FBXL13: variants seen among roughly 807,000 people sequenced by gnomAD.
FBXL13 encodes the protein F-box and leucine rich repeat protein 13.
FBXL13 carries 67 observed loss-of-function variants against 83.6 expected under a neutral mutation model. That is an observed-to-expected ratio of 0.80 (90% confidence interval 0.66 to 0.98). FBXL13 has a LOEUF of 0.98. Among genes scored for constraint, FBXL13 ranks in the 50% least tolerant of loss-of-function variants. The probability of loss-of-function intolerance (pLI) is 0.00; values close to 1 mark genes in which losing one functional copy is unlikely to be tolerated. For missense variants in FBXL13, 822 were observed against 866.5 expected (o/e 0.95, Z 0.64); for synonymous variants, 272 against 299.5 (o/e 0.91, Z 0.95).
At chr7:103,051,914 A>G (rs776799583) in intron 2 of FBXL13, among the ~76,000 whole-genome samples, 6 of 152,230 alleles carry the variant, frequency 3.9e-5, no homozygotes, top group Non-Finnish European at 8.8e-5. Flanking sequence ...TGTTACAGGC[A>G]CATACTCCTA....
chr7:103,040,312 C>T (rs1795529214), intron 2 of FBXL13, among the ~76,000 whole-genome samples: 1 of 152,078 alleles, frequency 6.6e-6, no homozygotes, highest in South Asian at 2.1e-4. Flanking sequence ...CAGGAGCACC[C>T]AGATTCATAA....
At chr7:102,966,436 G>C (rs1467218335) in intron 7 of FBXL13, among the ~76,000 whole-genome samples, 1 of 152,152 alleles carries the variant, frequency 6.6e-6, no homozygotes, top group Non-Finnish European at 1.5e-5. Flanking sequence ...GATATTTGGG[G>C]ATGTTGCTTT....
At chr7:103,072,450 A>G (rs1799059601) in intron 1 of FBXL13, among the ~76,000 whole-genome samples, 1 of 152,172 alleles carries the variant, frequency 6.6e-6, no homozygotes, top group Admixed American at 6.5e-5. Flanking sequence ...GTGCAGAACA[A>G]TGCAGTAAGC....
chr7:103,005,681 G>C (rs901032610), intron 6 of FBXL13, among the ~76,000 whole-genome samples: 1 of 152,110 alleles, frequency 6.6e-6, no homozygotes, highest in African/African-American at 2.4e-5. Flanking sequence ...TTAAAAGGGC[G>C]CCAGTTCTAC....
At chr7:103,053,327 A>G (rs1338438997) in intron 2 of FBXL13, among the ~76,000 whole-genome samples, 3 of 151,050 alleles carry the variant, frequency 2.0e-5, no homozygotes, top group Admixed American at 6.6e-5. Context: ...TAATTTTTGT[A>G]CTTTTAGTAG....
chr7:103,004,897 G>A (rs181346919), intron 6 of FBXL13, among the ~76,000 whole-genome samples: 226 of 152,230 alleles, frequency 1.5e-3, no homozygotes, highest in African/African-American at 5.1e-3. Context: ...GTTTGGAGAC[G>A]TTACTCCTTC....
intron 2 of FBXL13, among the ~76,000 whole-genome samples, chr7:103,031,850 G>A (rs1794543930): frequency 6.6e-6 from 1 of 152,192 alleles, no homozygotes; most frequent in South Asian, 2.1e-4. Context: ...TGGCCTACAA[G>A]AAGCCAGTTG....
intron 8 of FBXL13, among the ~76,000 whole-genome samples, chr7:102,948,204 C>T (rs557164059): frequency 6.6e-6 from 1 of 152,030 alleles, no homozygotes; most frequent in Non-Finnish European, 1.5e-5. Flanking sequence ...GCTGGGATTA[C>T]AGGCGCCCGC....
At chr7:102,902,770 T>G (rs1318280008) in intron 11 of FBXL13, among the ~76,000 whole-genome samples, 1 of 152,184 alleles carries the variant, frequency 6.6e-6, no homozygotes, top group Non-Finnish European at 1.5e-5. Context: ...TTCTCTATTC[T>G]GTTCTATTGG....
At chr7:102,906,378 A>C (rs527850334) in intron 11 of FBXL13, among the ~76,000 whole-genome samples, 3 of 152,222 alleles carry the variant, frequency 2.0e-5, no homozygotes, top group Non-Finnish European at 4.4e-5. Context: ...CCTACTTAGG[A>C]TAAGAGTAGT....
At chr7:102,854,146 A>G (rs1805679691) in intron 17 of FBXL13, among the ~76,000 whole-genome samples, 1 of 152,160 alleles carries the variant, frequency 6.6e-6, no homozygotes, top group Non-Finnish European at 1.5e-5. Context: ...GATAGACTGG[A>G]TTAAGAAAAT....
intron 11 of FBXL13, 176 bp downstream of exon 12, chr7:102,912,910 A>G: frequency 1.4e-6 from 1 of 721,412 alleles, no homozygotes; most frequent in South Asian, 2.2e-5. Context: ...GGAAGCCAAG[A>G]GCCTATAATA....
chr7:102,976,117 C>A (rs1827404911), intron 6 of FBXL13: 3 of 766,376 alleles, frequency 3.9e-6, no homozygotes, highest in East Asian at 2.4e-5. Flanking sequence ...CCAATCAAAC[C>A]CTCCTACTCG....
In FBXL13 at chr7:102,937,546, A is replaced by C. The variant is rs116553678; in HGVS notation, c.725-5613T>G. Among the ~76,000 whole-genome samples, 555 of 149,402 alleles carry C rather than the reference A, an allele frequency of 3.7e-3. 5 individuals carry two copies. Among genetic ancestry groups the C allele is most frequent in the African/African-American group, 0.013 (548 of 40,770 alleles). On this transcript the variant is annotated intron_variant, in intron 8 of 19. Coordinates refer to ENST00000313221, the Ensembl canonical transcript of FBXL13. ...AAAATGAAGGGTAGCTTTGTCTTTTAATACTATCAGTACAAATGGCTTTCA... is the reference window on the plus strand; with the variant it reads ...AAAATGAAGGGTAGCTTTGTCTTTTCATACTATCAGTACAAATGGCTTTCA...
chr7:103,022,178 T>C (rs1201083614), intron 6 of FBXL13, among the ~76,000 whole-genome samples: 3 of 152,114 alleles, frequency 2.0e-5, no homozygotes, highest in Non-Finnish European at 4.4e-5. Context: ...ATGTCCTTTG[T>C]AGGGACATGG....
At chr7:102,874,243 AGACCT>A (rs1192042589) in intron 16 of FBXL13, 1 of 619,754 alleles carries the variant, frequency 1.6e-6, no homozygotes, top group Non-Finnish European at 2.0e-6. Flanking sequence ...GCACTTACTC[AGACCT>A]ATAATCAATC....
At chr7:103,006,298 CGT>C (rs2129486033) in intron 6 of FBXL13, among the ~76,000 whole-genome samples, 1 of 152,216 alleles carries the variant, frequency 6.6e-6, no homozygotes, top group East Asian at 1.9e-4. Context: ...AGTCTTTGAC[CGT>C]ATTCTAAGCT....
intron 8 of FBXL13, among the ~76,000 whole-genome samples, chr7:102,932,812 C>A (rs910180559): frequency 6.6e-6 from 1 of 152,048 alleles, no homozygotes; most frequent in Non-Finnish European, 1.5e-5. Context: ...TTTCCCCATG[C>A]TGCTCAGACT....
chr7:102,826,724 CATATATATATATATATA>C (rs1159011283), intron 18 of FBXL13, among the ~76,000 whole-genome samples: 1 of 62,712 alleles, frequency 1.6e-5, no homozygotes, highest in African/African-American at 4.6e-5. Flanking sequence ...GACCCTGTCT[CATATATATATATATATA>C]TATATATATA....
Sources: gnomAD v4.1 joint callset for allele counts (sites outside exome capture counted in the v4.1 genomes callset) on GRCh38, gnomAD v4.1.1 for gene constraint, MANE v1.5 for transcripts, NCBI Gene and HGNC (gene_info 2026-07-23, HGNC 2026-07-21) for gene names.